MID1: variants seen among roughly 807,000 people sequenced by gnomAD.
MID1 encodes E3 ubiquitin-protein ligase Midline-1.
Under a neutral mutation model 40.4 loss-of-function variants are expected in MID1, and 7 were observed. That is an observed-to-expected ratio of 0.17 (90% CI 0.10 to 0.33). The LOEUF is 0.33. Among genes scored for constraint, MID1 ranks in the 10% least tolerant of loss-of-function variants. The pLI is 1.00. For synonymous variants in MID1, 229 were observed against 221.2 expected (o/e 1.04, Z -0.31); for missense variants, 367 against 558.5 (o/e 0.66, Z 3.46).
Position 10,552,731 on chromosome X carries a change from G to A in MID1, c.660+14157C>T, listed in dbSNP as rs1933964258. On this transcript the variant is annotated intron_variant, in intron 2 of 9. Coordinates refer to ENST00000317552, the MANE Select transcript of MID1 (RefSeq NM_000381.4). ...TTAGAATAACGGGGTAAAGATAGAGGCATTCAAGGAATAACAATAGTGATG... is the reference window on the plus strand; with the variant it reads ...TTAGAATAACGGGGTAAAGATAGAGACATTCAAGGAATAACAATAGTGATG... 2.7e-5 allele frequency among the ~76,000 whole-genome samples: 3 copies of A among 111,039 alleles called. No individual in the cohort carries two copies. The South Asian group carries it at 1.1e-3, about 42-fold the overall frequency.
chrX:10,827,125 C>A (rs1224275533), intron 1 of MID1, among the ~76,000 whole-genome samples: 1 of 111,621 alleles, frequency 9.0e-6, no homozygotes, highest in Non-Finnish European at 1.9e-5. Context: ...AAATCATTCT[C>A]TAATGCTGAT....
In MID1 at chrX:10,465,214, T is replaced by TATACAC. The variant is rs1477864693; in HGVS notation, c.1285+4482_1285+4483insGTGTAT. ...ATATATATATATATATATATATATA[T>TATACAC]ACACACACACACACACACACACACA... On this transcript the variant is annotated intron_variant, in intron 7 of 9. Coordinates refer to ENST00000317552, the MANE Select transcript of MID1 (RefSeq NM_000381.4). 4.2e-3 allele frequency among the ~76,000 whole-genome samples: 166 copies of TATACAC among 39,883 alleles called. 1 individual carries two copies. The highest frequency in any genetic ancestry group is 8.7e-3 in the African/African-American group (61 of 7,049). 34.6% of individuals were successfully genotyped at this position (39,883 alleles called of 115,157 possible).
In MID1 at chrX:10,571,012, T is replaced by C. The variant is rs376232667; in HGVS notation, c.-56-3409A>G. 9.4e-4 allele frequency among the ~76,000 whole-genome samples: 106 copies of C among 112,391 alleles called. 3 individuals carry two copies. In the South Asian group the frequency reaches 0.029, roughly 31 times the overall value. On this transcript the variant is annotated intron_variant, in intron 1 of 9. Transcript: ENST00000317552. The stretch of plus-strand genomic sequence containing the variant: ...AGCACTTACAAGTTTCCAGTGCTAA[T>C]GGGAAATGATATGCAATGGGCTTTG...
In MID1 at chrX:10,485,701, A is replaced by G. The variant is rs1026828733; in HGVS notation, c.865-3073T>C. ...TGCTTGAAATGCGTTTTAAACACTT[A>G]TTTTTATATAAATCTTTTTATATGT... On this transcript the variant is annotated intron_variant, in intron 4 of 9. Transcript: ENST00000317552. 3.6e-5 allele frequency among the ~76,000 whole-genome samples: 4 copies of G among 111,785 alleles called. No individual in the cohort carries two copies. In the Admixed American group the frequency reaches 3.8e-4, roughly 11 times the overall value.
intron 2 of MID1, among the ~76,000 whole-genome samples, chrX:10,531,437 C>T (rs913695661): frequency 2.7e-5 from 3 of 111,423 alleles, no homozygotes; most frequent in African/African-American, 9.8e-5. Flanking sequence ...CAAGACAGGC[C>T]GCCGAGGGAA....
At chrX:10,469,410 A>G (rs1929567178) in intron 7 of MID1, 4 of 1,055,650 alleles carry the variant, frequency 3.8e-6, no homozygotes, top group Non-Finnish European at 4.9e-6. Flanking sequence ...TTCTCTCTCT[A>G]TGTATCTCTC....
At chrX:10,729,562 G>C (rs1240952366) in intron 1 of MID1, among the ~76,000 whole-genome samples, 1 of 111,494 alleles carries the variant, frequency 9.0e-6, no homozygotes, top group Non-Finnish European at 1.9e-5. Context: ...TCATCCAGAT[G>C]GTACTCGAAT....
intron 1 of MID1, among the ~76,000 whole-genome samples, chrX:10,687,129 T>C (rs1569146941): frequency 8.9e-6 from 1 of 111,847 alleles, no homozygotes; most frequent in Non-Finnish European, 1.9e-5. Context: ...CTCCGGTGTT[T>C]TACATATTCT....
chrX:10,661,217 C>T (rs1404498565), intron 1 of MID1, among the ~76,000 whole-genome samples: 1 of 111,647 alleles, frequency 9.0e-6, no homozygotes. Flanking sequence ...TTTGACATTA[C>T]TGTGGTTATG....
chrX:10,685,349 C>A (rs1169399007), intron 1 of MID1, among the ~76,000 whole-genome samples: 2 of 111,888 alleles, frequency 1.8e-5, no homozygotes, highest in African/African-American at 6.5e-5. Context: ...TTGAGGCTAG[C>A]CATAGAAACT....
chrX:10,726,257 A>G lies in MID1; in HGVS notation c.-186-105838T>C, dbSNP rs147223490. Among the ~76,000 whole-genome samples, 461 of 112,392 alleles carry G rather than the reference A, an allele frequency of 4.1e-3. 5 individuals are homozygous for G. The highest frequency in any genetic ancestry group is 0.014 in the African/African-American group (441 of 31,015). Reference sequence around the variant, plus strand: ...TTCTTTACAAATTGATAAATTTGGCACACTCTGTATGATATAATTAACAAC... The same window carrying G: ...TTCTTTACAAATTGATAAATTTGGCGCACTCTGTATGATATAATTAACAAC... On this transcript the variant is annotated intron_variant, in intron 1 of 10. Transcript: ENST00000380785.
chrX:10,588,617 TTCTGTCTC>T (rs780272199), intron 1 of MID1, among the ~76,000 whole-genome samples: 17 of 110,937 alleles, frequency 1.5e-4, no homozygotes, highest in African/African-American at 3.6e-4. Flanking sequence ...CTCTTTGACT[TTCTGTCTC>T]TCTGTCTCTC....
chrX:10,461,092 ATATATATATG>A lies in MID1; in HGVS notation c.1286-1295_1286-1286del, dbSNP rs1487576388. On this transcript the variant is annotated intron_variant, in intron 7 of 9. Coordinates refer to ENST00000317552, the MANE Select transcript of MID1 (RefSeq NM_000381.4). ...ACACATCAGTGAATTAAATATATAT[ATATATATATG>A]TATGTATGTATATATCATCTAAAGA... is the stretch of plus-strand genomic sequence containing the variant. Among the ~76,000 whole-genome samples, 624 of 106,822 alleles carry A rather than the reference ATATATATATG, an allele frequency of 5.8e-3. 5 individuals carry two copies. The highest frequency in any genetic ancestry group is 0.019 in the Middle Eastern group (4 of 209). 92.8% of individuals were successfully genotyped at this position (106,822 alleles called of 115,157 possible).
rs200251008 is a variant in MID1 at position 10,754,309 on chromosome X, G to GTTTTTTT, written c.-187+79244_-187+79245insAAAAAAA. 1.7e-3 allele frequency among the ~76,000 whole-genome samples: 175 copies of GTTTTTTT among 104,494 alleles called. 2 individuals carry two copies. Among genetic ancestry groups the GTTTTTTT allele is most frequent in the African/African-American group, 6.8e-3 (171 of 25,029 alleles). The allele number at this position is 104,494 out of a possible 115,157, so 90.7% of individuals were successfully genotyped here. ...AGAATAGACAAGAGAGTTTTTTTTTGTTTTTTGTTTTTTGTTTTTTTTGTC... is the reference window on the plus strand; with the variant it reads ...AGAATAGACAAGAGAGTTTTTTTTTGTTTTTTTTTTTTTGTTTTTTGTTTTTTTTGTC... On this transcript the variant is annotated intron_variant, in intron 1 of 10. Transcript: ENST00000380785.
chrX:10,635,215 T>C (rs1936096489), intron 1 of MID1, among the ~76,000 whole-genome samples: 1 of 112,253 alleles, frequency 8.9e-6, no homozygotes, highest in African/African-American at 3.2e-5. Context: ...TGGTGAAATA[T>C]GCTCCAGTTG....
intron 1 of MID1, among the ~76,000 whole-genome samples, chrX:10,582,132 A>C (rs1935032978): frequency 9.0e-6 from 1 of 111,619 alleles, no homozygotes. Context: ...TCCTAGGTCC[A>C]TGTTTGCACA....
intron 1 of MID1, among the ~76,000 whole-genome samples, chrX:10,641,912 A>G (rs1330511172): frequency 4.5e-5 from 5 of 112,000 alleles, no homozygotes; most frequent in Non-Finnish European, 9.4e-5. Context: ...CCAAAGACAA[A>G]AACCACATGA....
At chrX:10,832,963 G>A (rs1602604888) in intron 1 of MID1, among the ~76,000 whole-genome samples, 1 of 112,279 alleles carries the variant, frequency 8.9e-6, no homozygotes, top group Non-Finnish European at 1.9e-5. Context: ...ATAGACATAC[G>A]CTCCTTGTCA....
intron 3 of MID1, among the ~76,000 whole-genome samples, chrX:10,499,180 A>G (rs1326259938): frequency 9.0e-6 from 1 of 111,460 alleles, no homozygotes; most frequent in East Asian, 2.8e-4. Flanking sequence ...TTTGACTTAC[A>G]TTTTCCTGAT....
Sources: allele counts gnomAD v4.1 joint callset (sites outside exome capture counted in the v4.1 genomes callset), GRCh38; gene constraint gnomAD v4.1.1; transcripts MANE v1.5; gene names NCBI Gene and HGNC (gene_info 2026-07-23, HGNC 2026-07-21).